MYO5A: variants seen among roughly 807,000 people sequenced by gnomAD.
MYO5A encodes the protein unconventional myosin-Va.
A neutral mutation model predicts 249.7 loss-of-function variants in MYO5A; 98 were observed. The observed-to-expected ratio is 0.39, with a 90% CI of 0.33 to 0.46. MYO5A has a LOEUF of 0.46. Ranked by LOEUF, MYO5A falls within the 20% of genes least tolerant of loss-of-function variation. The pLI, the probability that MYO5A is intolerant of heterozygous loss-of-function variation, is 0.98. For missense variants in MYO5A, 1,696 were observed against 2,308.8 expected, an observed-to-expected ratio of 0.73 and a Z score of 5.44; for synonymous variants, 778 against 810.6, an observed-to-expected ratio of 0.96 and a Z score of 0.68.
intron 34 of MYO5A, among the ~76,000 whole-genome samples, chr15:52,335,022 G>T (rs1470471294): frequency 6.6e-6 from 1 of 152,216 alleles, no homozygotes; most frequent in African/African-American, 2.4e-5. Flanking sequence ...CATGTTGGAG[G>T]AATGAAAACC....
At chr15:52,516,071 T>A (rs1360628341) in intron 1 of MYO5A, among the ~76,000 whole-genome samples, 3 of 152,216 alleles carry the variant, frequency 2.0e-5, no homozygotes, top group Admixed American at 2.0e-4. Flanking sequence ...TAGGTTTTAT[T>A]ATCACCATTA....
At chr15:52,402,796 G>T (rs1270931021) in intron 9 of MYO5A, among the ~76,000 whole-genome samples, 2 of 152,082 alleles carry the variant, frequency 1.3e-5, no homozygotes, top group African/African-American at 4.8e-5. Flanking sequence ...AGTGAGCCAA[G>T]ATCGCATCAC....
At chr15:52,378,054 T>C (rs1417402609) in intron 18 of MYO5A, among the ~76,000 whole-genome samples, 1 of 152,172 alleles carries the variant, frequency 6.6e-6, no homozygotes, top group Non-Finnish European at 1.5e-5. Context: ...AAGTGGTCCT[T>C]ACCCGCATCC....
intron 13 of MYO5A, among the ~76,000 whole-genome samples, chr15:52,388,387 G>T (rs139575060): frequency 6.6e-6 from 1 of 152,310 alleles, no homozygotes; most frequent in East Asian, 1.9e-4. Flanking sequence ...GGGAAATATT[G>T]TATGATTTGG....
At chr15:52,374,909 GAGAA>G (rs2041323980) in intron 20 of MYO5A, among the ~76,000 whole-genome samples, 1 of 152,052 alleles carries the variant, frequency 6.6e-6, no homozygotes, top group Non-Finnish European at 1.5e-5. Context: ...TATAAACAAA[GAGAA>G]AGAAGGAGGT....
rs748797945 is a variant in MYO5A, at chr15:52,327,828, G to A, written c.4710+24C>T. Reference sequence around the variant, plus strand: ...TGTCATCATTAACAATTCATGATGAGAATTTTGTTGAACAGGAACTGACCT... The same window carrying A: ...TGTCATCATTAACAATTCATGATGAAAATTTTGTTGAACAGGAACTGACCT... On this transcript the variant is annotated intron_variant, in intron 36 of 41. Transcript: ENST00000399233. The A allele has an allele frequency of 3.1e-6, 5 of 1,600,012 alleles. No individual in the cohort carries two copies. The African/African-American group carries it at 6.7e-5, about 21-fold the overall frequency.
chr15:52,444,706 T>C (rs2075852685), intron 1 of MYO5A, among the ~76,000 whole-genome samples: 1 of 152,230 alleles, frequency 6.6e-6, no homozygotes, highest in South Asian at 2.1e-4. Context: ...ACACTTGTTC[T>C]CAATGTAGAA....
intron 30 of MYO5A, among the ~76,000 whole-genome samples, chr15:52,343,806 C>T (rs1239531649): frequency 2.0e-5 from 3 of 152,106 alleles, no homozygotes; most frequent in Admixed American, 2.0e-4. Context: ...GGAAAAACTG[C>T]TATATTAGAG....
rs371252259 is a variant in MYO5A, at chr15:52,340,180, C to T, written c.4239+16G>A. The T allele has an allele frequency of 8.2e-5, 133 of 1,613,824 alleles. No homozygotes were observed. The highest frequency in any genetic ancestry group is 1.6e-4 in the African/African-American group (12 of 74,898). On this transcript the variant is annotated intron_variant, in intron 32 of 41. Transcript: ENST00000399233. ...GGCTAGGTTAAGAAGCATGTGGACC[C>T]GGCAGCTCTCCTTACCAAGTTTTCG...
At chr15:52,488,585 A>G (rs2076871057) in intron 1 of MYO5A, among the ~76,000 whole-genome samples, 1 of 152,260 alleles carries the variant, frequency 6.6e-6, no homozygotes, top group African/African-American at 2.4e-5. Context: ...ACTCTGACAT[A>G]ACACACATTT....
At chr15:52,349,991 G>A (rs532609817) in intron 28 of MYO5A, among the ~76,000 whole-genome samples, 10 of 152,360 alleles carry the variant, frequency 6.6e-5, no homozygotes, top group African/African-American at 2.4e-4. Flanking sequence ...GGAGCGCAGT[G>A]GCACGATCTC....
In MYO5A at chr15:52,313,486, T is replaced by C. The variant is rs2037849485; in HGVS notation, c.*210A>G. On this transcript the variant is annotated 3_prime_UTR_variant, in exon 42 of 42. Transcript: ENST00000399233. ...CGGTACCTAGTTGGTTAAGGATGAG[T>C]GTTGCTATAAAGATAACACAGCACG... 1.6e-6 allele frequency: 1 copy of C among 613,810 alleles called. No homozygotes were observed. Among genetic ancestry groups the C allele is most frequent in the Non-Finnish European group, 2.8e-6 (1 of 354,106 alleles). 38.0% of individuals were successfully genotyped at this position (613,810 alleles called of 1,614,324 possible).
chr15:52,404,177 A>G (rs948270480), intron 9 of MYO5A, among the ~76,000 whole-genome samples: 1 of 151,710 alleles, frequency 6.6e-6, no homozygotes, highest in Non-Finnish European at 1.5e-5. Flanking sequence ...AGGCAGAAGA[A>G]TCGCCTGAAC....
chr15:52,317,227 G>C lies in MYO5A; in HGVS notation c.5235-5C>G. ...TCCAGTTGACTGACATTGTACCTAT[G>C]AAAAAAAAGAGATACAGAGAATGCA... On this transcript the variant is annotated splice_polypyrimidine_tract_variant and splice_region_variant and intron_variant, in intron 39 of 41. Coordinates refer to ENST00000399233, the MANE Select transcript of MYO5A (RefSeq NM_001382347.1). The C allele has an allele frequency of 1.2e-6, 2 of 1,611,022 alleles. No individual in the cohort carries two copies. The highest frequency in any genetic ancestry group is 1.7e-6 in the Non-Finnish European group (2 of 1,179,096).
chr15:52,493,795 TTC>T (rs2141549675), intron 1 of MYO5A, among the ~76,000 whole-genome samples: 1 of 152,344 alleles, frequency 6.6e-6, no homozygotes, highest in African/African-American at 2.4e-5. Context: ...ATACCGTGCA[TTC>T]TGAGTTACTG....
chr15:52,437,852 G>T (rs1337614529), intron 1 of MYO5A, among the ~76,000 whole-genome samples: 1 of 152,124 alleles, frequency 6.6e-6, no homozygotes, highest in Non-Finnish European at 1.5e-5. Flanking sequence ...ATTTCCAAGG[G>T]CTAGATGTTA....
At chr15:52,459,146 A>ATTTTTTTTTTTTT (rs199923318) in intron 1 of MYO5A, among the ~76,000 whole-genome samples, 13 of 49,092 alleles carry the variant, frequency 2.6e-4, no homozygotes, top group African/African-American at 4.0e-4. Context: ...ATTTTCCAGA[A>ATTTTTTTTTTTTT]ATTTTTTTTT....
intron 1 of MYO5A, among the ~76,000 whole-genome samples, chr15:52,526,654 CCTAA>C (rs2077735901): frequency 6.6e-6 from 1 of 152,142 alleles, no homozygotes; most frequent in Non-Finnish European, 1.5e-5. Flanking sequence ...CCGTGCCCAG[CCTAA>C]CTTTTTAATT....
chr15:52,463,789 C>G (rs2076299772), intron 1 of MYO5A, among the ~76,000 whole-genome samples: 1 of 152,224 alleles, frequency 6.6e-6, no homozygotes, highest in Non-Finnish European at 1.5e-5. Context: ...TCAGGTGCCT[C>G]ATAGTGTTAG....
Sources: gnomAD v4.1 joint callset for allele counts (sites outside exome capture counted in the v4.1 genomes callset) on GRCh38, gnomAD v4.1.1 for gene constraint, MANE v1.5 for transcripts, NCBI Gene and HGNC (gene_info 2026-07-23, HGNC 2026-07-21) for gene names.